Variants in DMD observed in about 807,000 individuals in gnomAD.
DMD encodes the protein mutant dystrophin.
A neutral mutation model predicts 330.1 loss-of-function variants in DMD; 63 were observed. The observed-to-expected ratio is 0.19, with a 90% CI of 0.16 to 0.24. The LOEUF is 0.24. DMD is among the 10% of genes least tolerant of loss of function. The pLI is 1.00. For synonymous variants in DMD, 1,223 were observed against 959.8 expected, an observed-to-expected ratio of 1.27 and a Z score of -5.07; for missense variants, 3,344 against 2,684.1, an observed-to-expected ratio of 1.25 and a Z score of -5.43.
chrX:32,467,849 T>C (rs1436231147), intron 23 of DMD, among the ~76,000 whole-genome samples: 1 of 110,038 alleles, frequency 9.1e-6, no homozygotes, highest in Non-Finnish European at 1.9e-5. Context: ...TTGTGTTGTT[T>C]GAAGCCATTA....
chrX:31,829,817 G>T (rs1246042480), intron 49 of DMD, among the ~76,000 whole-genome samples: 1 of 111,885 alleles, frequency 8.9e-6, no homozygotes, highest in Admixed American at 9.5e-5. Context: ...ATATATACAG[G>T]CATACATTCG....
intron 47 of DMD, 65 bp downstream of exon 47, chrX:31,929,531 A>G: frequency 1.7e-6 from 2 of 1,176,729 alleles, no homozygotes; most frequent in Non-Finnish European, 2.3e-6. Flanking sequence ...CACCCAGGAA[A>G]CAAAATACAT....
intron 50 of DMD, among the ~76,000 whole-genome samples, chrX:31,774,623 ATCT>A (rs1051998871): frequency 6.3e-5 from 7 of 111,337 alleles, no homozygotes; most frequent in African/African-American, 2.3e-4. Context: ...ATGGGATAAG[ATCT>A]TCTTTCTGAT....
At chrX:32,578,468 A>C (rs1401650013) in intron 13 of DMD, among the ~76,000 whole-genome samples, 2 of 112,254 alleles carry the variant, frequency 1.8e-5, no homozygotes, top group Admixed American at 1.9e-4. Flanking sequence ...ATTATCGTCC[A>C]TGCTCAGATC....
At chrX:33,180,385 T>C (rs1486495849) in intron 1 of DMD, among the ~76,000 whole-genome samples, 1 of 111,691 alleles carries the variant, frequency 9.0e-6, no homozygotes, top group Admixed American at 9.6e-5. Context: ...TGTCTGTCAT[T>C]ACAGGAAGCA....
chrX:32,789,573 T>C (rs1296230530), intron 7 of DMD, among the ~76,000 whole-genome samples: 2 of 112,106 alleles, frequency 1.8e-5, no homozygotes, highest in Admixed American at 9.5e-5. Context: ...GACAGTCTTG[T>C]GAGAAATAAC....
At chrX:32,018,377 G>A (rs2095782387) in intron 44 of DMD, among the ~76,000 whole-genome samples, 1 of 111,174 alleles carries the variant, frequency 9.0e-6, no homozygotes, top group Non-Finnish European at 1.9e-5. Context: ...TGCCACTCTG[G>A]TCACTCCTTG....
chrX:31,569,649 CGTATATAT>C (rs1478200027), intron 55 of DMD, among the ~76,000 whole-genome samples: 1 of 82,415 alleles, frequency 1.2e-5, no homozygotes, highest in Non-Finnish European at 2.4e-5. Flanking sequence ...TATGTATATA[CGTATATAT>C]ACGTATATAT....
chrX:32,589,271 C>T (rs1336351858), intron 13 of DMD, among the ~76,000 whole-genome samples: 3 of 111,399 alleles, frequency 2.7e-5, no homozygotes, highest in Admixed American at 9.6e-5. Flanking sequence ...GCGTAAAATA[C>T]AGTGTATTCA....
intron 30 of DMD, among the ~76,000 whole-genome samples, chrX:32,402,882 TG>T (rs1208371470): frequency 9.0e-6 from 1 of 111,660 alleles, no homozygotes; most frequent in Non-Finnish European, 1.9e-5. Context: ...TATCTTTCTT[TG>T]GTGCTATCTA....
At chrX:31,830,787 A>G (rs1383135823) in intron 49 of DMD, among the ~76,000 whole-genome samples, 1 of 111,564 alleles carries the variant, frequency 9.0e-6, no homozygotes, top group Admixed American at 9.5e-5. Flanking sequence ...ATGTTAAAAA[A>G]CACTCATAGA....
At chrX:32,843,099 G>A (rs912506061) in intron 4 of DMD, among the ~76,000 whole-genome samples, 3 of 111,934 alleles carry the variant, frequency 2.7e-5, no homozygotes, top group African/African-American at 6.5e-5. Context: ...TGAGCACCGC[G>A]CCCGACCTGT....
intron 41 of DMD, among the ~76,000 whole-genome samples, chrX:32,334,247 C>T (rs1028854352): frequency 1.8e-5 from 2 of 111,768 alleles, no homozygotes. Flanking sequence ...CTACAAACAG[C>T]TACATCCTGG....
intron 44 of DMD, among the ~76,000 whole-genome samples, chrX:32,016,258 T>C (rs976267674): frequency 2.7e-5 from 3 of 111,928 alleles, no homozygotes; most frequent in African/African-American, 9.7e-5. Flanking sequence ...GCACTTGTTG[T>C]TCTGAAAGCC....
intron 1 of DMD, among the ~76,000 whole-genome samples, chrX:33,283,869 T>C (rs1405706802): frequency 7.4e-5 from 8 of 108,088 alleles, no homozygotes; most frequent in African/African-American, 2.7e-4. Flanking sequence ...ATACAAAAAA[T>C]TAGCTGGGCA....
intron 28 of DMD, 59 bp downstream of exon 28, chrX:32,441,121 C>T: frequency 4.4e-6 from 5 of 1,141,916 alleles, no homozygotes; most frequent in Non-Finnish European, 6.0e-6. Flanking sequence ...CTATTTGGTA[C>T]TTGACCTCTT....
At chrX:31,883,305 A>C (rs1408395695) in intron 47 of DMD, among the ~76,000 whole-genome samples, 2 of 111,267 alleles carry the variant, frequency 1.8e-5, no homozygotes, top group East Asian at 5.6e-4. Context: ...TCTTTGGGAG[A>C]GGGTGGTGGC....
intron 2 of DMD, among the ~76,000 whole-genome samples, chrX:32,956,830 C>T (rs2091622367): frequency 9.0e-6 from 1 of 111,167 alleles, no homozygotes; most frequent in Non-Finnish European, 1.9e-5. Flanking sequence ...AGCCCCTGCC[C>T]ACACCCCAGT....
intron 37 of DMD, among the ~76,000 whole-genome samples, chrX:32,354,021 A>T (rs1187856808): frequency 9.0e-6 from 1 of 111,707 alleles, no homozygotes; most frequent in African/African-American, 3.2e-5. Flanking sequence ...ATTCATTGTA[A>T]ATTGAAAGCA....
Sources: allele counts gnomAD v4.1 joint callset (sites outside exome capture counted in the v4.1 genomes callset), GRCh38; gene constraint gnomAD v4.1.1; transcripts MANE v1.5; gene names NCBI Gene and HGNC (gene_info 2026-07-23, HGNC 2026-07-21).